LRRC37A2: variants seen among roughly 807,000 people sequenced by gnomAD.
LRRC37A2 encodes leucine-rich repeat-containing protein 37A2.
A neutral mutation model predicts 68.8 loss-of-function variants in LRRC37A2; 9 were observed. The observed-to-expected ratio is 0.13, with a 90% CI of 0.08 to 0.23. The LOEUF is 0.23. Among genes scored for constraint, LRRC37A2 ranks in the 10% least tolerant of loss-of-function variants. The probability of loss-of-function intolerance (pLI) is 1.00; values close to 1 mark genes in which losing one functional copy is unlikely to be tolerated. For synonymous variants in LRRC37A2, 63 were observed against 367.6 expected, an observed-to-expected ratio of 0.17 and a Z score of 9.48; for missense variants, 168 against 950.4, an observed-to-expected ratio of 0.18 and a Z score of 10.82.
At chr17:46,850,730 A>C in the LRRC37A2 span, among the ~76,000 whole-genome samples, 3 of 152,184 alleles carry the variant, frequency 2.0e-5, no homozygotes, top group Admixed American at 2.0e-4. Flanking sequence ...AATTGGGGTT[A>C]AACTTTAAAA....
At chr17:46,456,217 T>C in the LRRC37A2 span, among the ~76,000 whole-genome samples, 5 of 108,892 alleles carry the variant, frequency 4.6e-5, no homozygotes, top group African/African-American at 1.6e-4. Context: ...GATATGTGTG[T>C]GTGTGTGTGT....
At chr17:46,998,290 G>A in the LRRC37A2 span, among the ~76,000 whole-genome samples, 2 of 152,168 alleles carry the variant, frequency 1.3e-5, no homozygotes, top group Non-Finnish European at 2.9e-5. Context: ...TCCTAATCCC[G>A]GCTCGGCCGT....
At chr17:46,902,556 AC>A in the LRRC37A2 span, among the ~76,000 whole-genome samples, 2 of 152,092 alleles carry the variant, frequency 1.3e-5, no homozygotes, top group Non-Finnish European at 2.9e-5. Context: ...AGTTTTAACA[AC>A]AAACAAGGAG....
At chr17:46,818,001 G>A in the LRRC37A2 span, among the ~76,000 whole-genome samples, 1 of 152,116 alleles carries the variant, frequency 6.6e-6, no homozygotes, top group African/African-American at 2.4e-5. Flanking sequence ...TGCCCCGGGA[G>A]GAGCCCTGAA....
the LRRC37A2 span, among the ~76,000 whole-genome samples, chr17:46,842,781 G>T: frequency 2.6e-5 from 4 of 152,320 alleles, no homozygotes; most frequent in South Asian, 8.3e-4. Context: ...GGAATGATTA[G>T]TTTTTTGAAA....
At chr17:47,035,543 T>A in the LRRC37A2 span, among the ~76,000 whole-genome samples, 1 of 152,274 alleles carries the variant, frequency 6.6e-6, no homozygotes, top group Non-Finnish European at 1.5e-5. Context: ...GCCATCACTA[T>A]ATCCGTTCAT....
At chr17:46,389,200 TA>T in the LRRC37A2 span, among the ~76,000 whole-genome samples, 1 of 150,952 alleles carries the variant, frequency 6.6e-6, no homozygotes. Context: ...GTTTCAAAAA[TA>T]AATAAATAAA....
At chr17:46,894,189 C>T in the LRRC37A2 span, among the ~76,000 whole-genome samples, 10 of 152,202 alleles carry the variant, frequency 6.6e-5, no homozygotes, top group South Asian at 2.1e-4. Flanking sequence ...CTGAGCTAGT[C>T]GCCCTGTTCC....
At chr17:46,799,532 C>G in the LRRC37A2 span, among the ~76,000 whole-genome samples, 1 of 151,554 alleles carries the variant, frequency 6.6e-6, no homozygotes, top group South Asian at 2.1e-4. Context: ...ACTGCAACCT[C>G]CGCCTCCCAG....
At chr17:46,461,439 C>A in the LRRC37A2 span, among the ~76,000 whole-genome samples, 1 of 106,322 alleles carries the variant, frequency 9.4e-6, no homozygotes. Context: ...GAATTATTAC[C>A]ATAAAAATCA....
the LRRC37A2 span, among the ~76,000 whole-genome samples, chr17:46,707,746 T>C: frequency 9.9e-5 from 15 of 152,188 alleles, no homozygotes; most frequent in African/African-American, 3.6e-4. Flanking sequence ...TACTCCATTA[T>C]ATGGGCCAGG....
the LRRC37A2 span, among the ~76,000 whole-genome samples, chr17:46,971,728 C>T: frequency 6.6e-6 from 1 of 152,180 alleles, no homozygotes; most frequent in African/African-American, 2.4e-5. Context: ...GGAAGTCCTG[C>T]ACCCCGACCT....
chr17:46,458,821 G>A, the LRRC37A2 span, among the ~76,000 whole-genome samples: 4 of 109,104 alleles, frequency 3.7e-5, no homozygotes, highest in African/African-American at 1.3e-4. Flanking sequence ...GATTATAGGC[G>A]TGACCCACCG....
At chr17:46,736,708 G>C in the LRRC37A2 span, among the ~76,000 whole-genome samples, 3 of 152,174 alleles carry the variant, frequency 2.0e-5, no homozygotes, top group African/African-American at 7.2e-5. Context: ...CTAATTTGCT[G>C]CTAACCACTA....
the LRRC37A2 span, among the ~76,000 whole-genome samples, chr17:46,853,978 A>G: frequency 1.3e-5 from 2 of 151,734 alleles, no homozygotes; most frequent in African/African-American, 2.4e-5. Flanking sequence ...ATGACATGTG[A>G]GATGGTCAAA....
chr17:46,755,706 T>C, the LRRC37A2 span: 2 of 1,349,312 alleles, frequency 1.5e-6, no homozygotes, highest in Non-Finnish European at 2.0e-6. Context: ...GGATAACCAT[T>C]AAGAAGCTTT....
chr17:46,767,588 A>G, the LRRC37A2 span, among the ~76,000 whole-genome samples: 442 of 152,312 alleles, frequency 2.9e-3, 3 homozygotes, highest in African/African-American at 1.0e-2. Context: ...AGAAAAGTGA[A>G]AGAACAGGAA....
chr17:47,023,170 G>A, the LRRC37A2 span, among the ~76,000 whole-genome samples: 1 of 152,164 alleles, frequency 6.6e-6, no homozygotes, highest in African/African-American at 2.4e-5. Context: ...TTATACGTTT[G>A]TTGAACATTT....
At chr17:46,936,670 C>G in the LRRC37A2 span, 2 of 984,760 alleles carry the variant, frequency 2.0e-6, no homozygotes, top group African/African-American at 1.8e-5. Flanking sequence ...TGGTCATTTT[C>G]AAGTGATTTA....
Sources: gnomAD v4.1 joint callset for allele counts (sites outside exome capture counted in the v4.1 genomes callset) on GRCh38, gnomAD v4.1.1 for gene constraint, MANE v1.5 for transcripts, NCBI Gene and HGNC (gene_info 2026-07-23, HGNC 2026-07-21) for gene names.